TMEM163: variants seen among roughly 807,000 people sequenced by gnomAD.
TMEM163 encodes transmembrane protein 163.
Under a neutral mutation model 29.3 loss-of-function variants are expected in TMEM163, and 17 were observed. That is an observed-to-expected ratio of 0.58 (90% CI 0.40 to 0.87). TMEM163 has a LOEUF of 0.87. Among genes scored for constraint, TMEM163 ranks in the 40% least tolerant of loss-of-function variants. The probability of loss-of-function intolerance (pLI) is 0.00; values close to 1 mark genes in which losing one functional copy is unlikely to be tolerated. For missense variants in TMEM163, 303 were observed against 381.5 expected, an observed-to-expected ratio of 0.79 and a Z score of 1.71; for synonymous variants, 157 against 160.6, an observed-to-expected ratio of 0.98 and a Z score of 0.17.
At chr2:134,561,953 C>T (rs1681193380) in intron 2 of TMEM163, among the ~76,000 whole-genome samples, 1 of 152,204 alleles carries the variant, frequency 6.6e-6, no homozygotes, top group African/African-American at 2.4e-5. Context: ...TTATGTTTCC[C>T]TTAATCATAG....
intron 2 of TMEM163, among the ~76,000 whole-genome samples, chr2:134,605,099 C>T (rs1317740331): frequency 3.3e-5 from 5 of 151,588 alleles, no homozygotes; most frequent in South Asian, 4.2e-4. Flanking sequence ...ATAGCTTGAA[C>T]CTGGGAAGCG....
chr2:134,635,520 G>A (rs1683084232), intron 2 of TMEM163, among the ~76,000 whole-genome samples: 2 of 152,220 alleles, frequency 1.3e-5, no homozygotes, highest in South Asian at 4.2e-4. Flanking sequence ...ATACTAGAGG[G>A]ACCAGAACAA....
At chr2:134,706,208 T>C (rs1403898439) in intron 2 of TMEM163, among the ~76,000 whole-genome samples, 2 of 152,154 alleles carry the variant, frequency 1.3e-5, no homozygotes, top group African/African-American at 4.8e-5. Flanking sequence ...TGCTGGGCAG[T>C]GCAGCATGGA....
At chr2:134,666,132 A>G (rs1389736052) in intron 2 of TMEM163, among the ~76,000 whole-genome samples, 2 of 152,240 alleles carry the variant, frequency 1.3e-5, no homozygotes, top group East Asian at 3.9e-4. Flanking sequence ...TGCACTGCAC[A>G]TACAGCTAAT....
At chr2:134,539,636 G>A (rs1007478909) in intron 4 of TMEM163, among the ~76,000 whole-genome samples, 1 of 152,188 alleles carries the variant, frequency 6.6e-6, no homozygotes, top group African/African-American at 2.4e-5. Context: ...AAGTCAGCAT[G>A]AGCCATAACC....
chr2:134,705,985 G>A (rs1684803233), intron 2 of TMEM163, among the ~76,000 whole-genome samples: 1 of 152,184 alleles, frequency 6.6e-6, no homozygotes, highest in Non-Finnish European at 1.5e-5. Flanking sequence ...GGGTGCTAAT[G>A]CACCCTGGCC....
At chr2:134,700,371 C>T (rs1437071429) in intron 2 of TMEM163, among the ~76,000 whole-genome samples, 3 of 152,154 alleles carry the variant, frequency 2.0e-5, no homozygotes, top group Non-Finnish European at 4.4e-5. Context: ...TCCTATCCTC[C>T]ATGTTTTTTA....
At chr2:134,493,604 T>C (rs1679479479) in intron 5 of TMEM163, among the ~76,000 whole-genome samples, 1 of 152,096 alleles carries the variant, frequency 6.6e-6, no homozygotes. Flanking sequence ...ACTCCTGACC[T>C]CAGGCGATCT....
At chr2:134,690,523 T>G (rs1684442481) in intron 2 of TMEM163, among the ~76,000 whole-genome samples, 1 of 152,184 alleles carries the variant, frequency 6.6e-6, no homozygotes, top group Non-Finnish European at 1.5e-5. Flanking sequence ...TGACCTCAAG[T>G]GATCCGCCAG....
intron 2 of TMEM163, among the ~76,000 whole-genome samples, chr2:134,671,869 A>G (rs2104867237): frequency 6.6e-6 from 1 of 152,336 alleles, no homozygotes. Context: ...TGGCTGACTC[A>G]TCTGTAAAAT....
chr2:134,686,999 G>A (rs1254460110), intron 2 of TMEM163, among the ~76,000 whole-genome samples: 8 of 152,180 alleles, frequency 5.3e-5, no homozygotes. Context: ...TTCACAATGG[G>A]CAATAAGCCC....
chr2:134,545,889 T>C (rs938656819), intron 4 of TMEM163, among the ~76,000 whole-genome samples: 2 of 152,216 alleles, frequency 1.3e-5, no homozygotes, highest in African/African-American at 4.8e-5. Context: ...TGGTGATTAT[T>C]CATTAGCTTT....
intron 2 of TMEM163, among the ~76,000 whole-genome samples, chr2:134,604,070 G>A (rs1009739010): frequency 1.3e-5 from 2 of 152,098 alleles, no homozygotes; most frequent in African/African-American, 4.8e-5. Context: ...AATCAAAGGA[G>A]TGAAGTTGTT....
intron 2 of TMEM163, among the ~76,000 whole-genome samples, chr2:134,591,035 G>A (rs939602849): frequency 5.3e-5 from 8 of 152,170 alleles, no homozygotes; most frequent in African/African-American, 1.9e-4. Flanking sequence ...GCAATATGGA[G>A]TAACTCAAGC....
intron 2 of TMEM163, among the ~76,000 whole-genome samples, chr2:134,635,491 C>G (rs1014762861): frequency 6.6e-6 from 1 of 152,120 alleles, no homozygotes; most frequent in Non-Finnish European, 1.5e-5. Flanking sequence ...CTTCTAAGAT[C>G]CTTGGACTAA....
chr2:134,523,428 G>A (rs1680228776), intron 4 of TMEM163, among the ~76,000 whole-genome samples: 2 of 152,166 alleles, frequency 1.3e-5, no homozygotes, highest in Non-Finnish European at 2.9e-5. Flanking sequence ...TTAAAACTCA[G>A]AGATGATTGG....
chr2:134,636,044 G>T (rs541417594), intron 2 of TMEM163, among the ~76,000 whole-genome samples: 6 of 152,052 alleles, frequency 3.9e-5, no homozygotes, highest in Non-Finnish European at 7.4e-5. Flanking sequence ...CCCTCATCCT[G>T]GCCACCCTTC....
In TMEM163 at chr2:134,718,926, C is replaced by T; in HGVS notation, c.10G>A (p.Ala4Thr). Residue 4 changes from alanine to threonine, a missense_variant, in exon 1 of 8, where the codon GCC (alanine) becomes ACC (threonine). Around this residue, in one of 2 missense-constraint regions of TMEM163, gnomAD observed 100 missense variants for 87.2 expected, o/e 1.15. Coordinates refer to ENST00000281924, the MANE Select transcript of TMEM163 (RefSeq NM_030923.5). MEP[A>T]AGIQRRSSQG... ...GAGCTGCGGCGCTGGATGCCCGCGGCCGGCTCCATGGCGCGGGGCTGCGGA... is the reference window on the plus strand; with the variant it reads ...GAGCTGCGGCGCTGGATGCCCGCGGTCGGCTCCATGGCGCGGGGCTGCGGA... The T allele has an allele frequency of 9.5e-7, 1 of 1,055,362 alleles. No individual in the cohort carries two copies. The highest frequency in any genetic ancestry group is 1.1e-6 in the Non-Finnish European group (1 of 877,076). 65.4% of individuals were successfully genotyped at this position (1,055,362 alleles called of 1,614,324 possible).
chr2:134,630,739 T>C (rs1682949721), intron 2 of TMEM163, among the ~76,000 whole-genome samples: 1 of 152,086 alleles, frequency 6.6e-6, no homozygotes, highest in South Asian at 2.1e-4. Context: ...ATAGTTGCCA[T>C]GGCAACCTTC....
Sources: gnomAD v4.1 joint callset for allele counts (sites outside exome capture counted in the v4.1 genomes callset) on GRCh38, gnomAD v4.1.1 for gene constraint, gnomAD v4.1.1 regional missense constraint, MANE v1.5 for transcripts, NCBI Gene and HGNC (gene_info 2026-07-23, HGNC 2026-07-21) for gene names.